Variants in ATXN1 observed in about 807,000 individuals in gnomAD.
The protein encoded by ATXN1 is ataxin-1.
ATXN1 carries 8 observed loss-of-function variants against 56.4 expected under a neutral mutation model. The ratio of observed to expected loss-of-function variants is 0.14; its 90% CI spans 0.08 to 0.26. The LOEUF (loss-of-function observed/expected upper bound fraction) is 0.26, where lower values mean the gene tolerates loss of function less well. Among genes scored for constraint, ATXN1 ranks in the 10% least tolerant of loss-of-function variants. The pLI is 1.00. For missense variants in ATXN1, 987 were observed against 1,106.5 expected (o/e 0.89, Z 1.53); for synonymous variants, 514 against 494.6 (o/e 1.04, Z -0.52).
At chr6:16,635,482 G>T (rs1174235304) in intron 3 of ATXN1, among the ~76,000 whole-genome samples, 1 of 152,132 alleles carries the variant, frequency 6.6e-6, no homozygotes, top group Non-Finnish European at 1.5e-5. Context: ...CTAGAGAGAA[G>T]GAGCTCTTCT....
chr6:16,505,753 G>T (rs1760972654), intron 5 of ATXN1, among the ~76,000 whole-genome samples: 1 of 152,204 alleles, frequency 6.6e-6, no homozygotes, highest in South Asian at 2.1e-4. Context: ...AGAACCGACA[G>T]TTTAACGAAA....
chr6:16,533,296 A>G (rs1761539612), intron 4 of ATXN1, among the ~76,000 whole-genome samples: 3 of 152,324 alleles, frequency 2.0e-5, no homozygotes, highest in Non-Finnish European at 4.4e-5. Flanking sequence ...GTTTGGATCA[A>G]GATATCCCAA....
chr6:16,636,104 C>G (rs947256425), intron 3 of ATXN1, among the ~76,000 whole-genome samples: 1 of 152,180 alleles, frequency 6.6e-6, no homozygotes, highest in African/African-American at 2.4e-5. Context: ...TGACCTGCCT[C>G]CCTTACATCA....
chr6:16,315,333 T>C (rs898093601), intron 7 of ATXN1, among the ~76,000 whole-genome samples: 4 of 152,212 alleles, frequency 2.6e-5, no homozygotes, highest in Non-Finnish European at 5.9e-5. Flanking sequence ...ATAAGCAAAC[T>C]GTATGGGTTC....
intron 4 of ATXN1, among the ~76,000 whole-genome samples, chr6:16,573,493 CCT>C (rs71965340): frequency 0.092 from 14,064 of 152,098 alleles, 1,284 homozygotes; most frequent in African/African-American, 0.24. Flanking sequence ...TCGCCTGTCC[CCT>C]GTTTCTCCCA....
In ATXN1 at chr6:16,677,986, C is replaced by A. The variant is rs183625650; in HGVS notation, c.-614-20085G>T. 3.4e-4 allele frequency among the ~76,000 whole-genome samples: 52 copies of A among 152,308 alleles called. No homozygotes were observed. The South Asian group carries it at 4.3e-3, about 13-fold the overall frequency. ...GCAACTTTTATCAGGGGCTGTTTGC[C>A]TAAAAACTTGCTGCTCTAGCCAAAA... On this transcript the variant is annotated intron_variant, in intron 2 of 7. Transcript: ENST00000436367.
intron 2 of ATXN1, among the ~76,000 whole-genome samples, chr6:16,660,013 T>C (rs549365720): frequency 1.3e-5 from 2 of 152,276 alleles, no homozygotes; most frequent in East Asian, 1.9e-4. Context: ...TGTGAAGGAG[T>C]TGGAAGTGAT....
rs535134502 is a variant in ATXN1, at chr6:16,610,807, T to C, written c.-488-24900A>G. Reference sequence around the variant, plus strand: ...GGGAGGCCGAGGTGGGAGGATTGCTTGAGGCCAAGAGTTTAAAACCACCCG... The same window carrying C: ...GGGAGGCCGAGGTGGGAGGATTGCTCGAGGCCAAGAGTTTAAAACCACCCG... On this transcript the variant is annotated intron_variant, in intron 3 of 7. Transcript: ENST00000436367. Among the ~76,000 whole-genome samples the C allele has an allele frequency of 5.9e-5, 9 of 151,314 alleles. No individual in the cohort carries two copies. In the East Asian group the frequency reaches 1.7e-3, roughly 29 times the overall value.
chr6:16,728,443 A>G (rs976818254), intron 2 of ATXN1, among the ~76,000 whole-genome samples: 4 of 152,170 alleles, frequency 2.6e-5, no homozygotes, highest in African/African-American at 7.2e-5. Flanking sequence ...CAAACAGGAT[A>G]TGTATGGGCA....
chr6:16,463,362 C>G (rs542371128), intron 6 of ATXN1, among the ~76,000 whole-genome samples: 7 of 152,312 alleles, frequency 4.6e-5, no homozygotes, highest in African/African-American at 1.7e-4. Context: ...CAGTGCCCCT[C>G]AAAGCTCAGG....
At chr6:16,469,330 A>G (rs1034838110) in intron 6 of ATXN1, among the ~76,000 whole-genome samples, 2 of 152,256 alleles carry the variant, frequency 1.3e-5, no homozygotes, top group Admixed American at 1.3e-4. Flanking sequence ...AGACCTTATC[A>G]GGGAGCAATT....
chr6:16,716,903 T>C (rs574553576), intron 2 of ATXN1, among the ~76,000 whole-genome samples: 1 of 152,308 alleles, frequency 6.6e-6, no homozygotes, highest in South Asian at 2.1e-4. Context: ...AAGATACAGT[T>C]CACGAGATGT....
At chr6:16,568,060 T>C (rs1287230509) in intron 4 of ATXN1, among the ~76,000 whole-genome samples, 2 of 152,230 alleles carry the variant, frequency 1.3e-5, no homozygotes, top group African/African-American at 4.8e-5. Flanking sequence ...TGCAAAGATA[T>C]CTGACAACCC....
chr6:16,655,141 C>T (rs185164422), intron 3 of ATXN1, among the ~76,000 whole-genome samples: 2 of 152,128 alleles, frequency 1.3e-5, no homozygotes, highest in Non-Finnish European at 2.9e-5. Flanking sequence ...AACACAATGA[C>T]GGCAAGCACA....
At chr6:16,423,962 T>C (rs1389744341) in intron 6 of ATXN1, among the ~76,000 whole-genome samples, 1 of 152,238 alleles carries the variant, frequency 6.6e-6, no homozygotes, top group Non-Finnish European at 1.5e-5. Flanking sequence ...TTCAGAGCTA[T>C]GGCTGTGCCT....
chr6:16,339,227 GGGGGC>G (rs1761190031), intron 6 of ATXN1, among the ~76,000 whole-genome samples: 1 of 152,164 alleles, frequency 6.6e-6, no homozygotes, highest in Non-Finnish European at 1.5e-5. Flanking sequence ...CCAGCCACCA[GGGGGC>G]TGGGTTTCCA....
At chr6:16,530,802 C>A (rs189935548) in intron 4 of ATXN1, among the ~76,000 whole-genome samples, 1 of 152,268 alleles carries the variant, frequency 6.6e-6, no homozygotes, top group East Asian at 1.9e-4. Flanking sequence ...AGAAGTCAAT[C>A]AGGTTTTATG....
intron 3 of ATXN1, among the ~76,000 whole-genome samples, chr6:16,626,050 C>T (rs1763400883): frequency 6.6e-6 from 1 of 152,132 alleles, no homozygotes; most frequent in Non-Finnish European, 1.5e-5. Flanking sequence ...TCTGCCTTTC[C>T]TGATAGACTG....
chr6:16,564,682 C>T (rs902662940), intron 4 of ATXN1, among the ~76,000 whole-genome samples: 5 of 152,100 alleles, frequency 3.3e-5, no homozygotes, highest in Non-Finnish European at 5.9e-5. Flanking sequence ...GAAACAGCTT[C>T]GTGGTTGCCA....
Sources: allele counts gnomAD v4.1 joint callset (sites outside exome capture counted in the v4.1 genomes callset), GRCh38; gene constraint gnomAD v4.1.1; transcripts MANE v1.5; gene names NCBI Gene and HGNC (gene_info 2026-07-23, HGNC 2026-07-21).